STT3B: variants seen among roughly 807,000 people sequenced by gnomAD.
The protein encoded by STT3B is STT3 oligosaccharyltransferase complex catalytic subunit B, also known as dolichyl-diphosphooligosaccharide--protein glycosyltransferase subunit STT3B.
A neutral mutation model predicts 96.8 loss-of-function variants in STT3B; 29 were observed. That is an observed-to-expected ratio of 0.30 (90% CI 0.22 to 0.41). STT3B has a LOEUF of 0.41. STT3B is among the 10% of genes least tolerant of loss of function. The pLI is 1.00. For missense variants in STT3B, 640 were observed against 1,022.3 expected (o/e 0.63, Z 5.10); for synonymous variants, 367 against 360.0 (o/e 1.02, Z -0.22).
intron 5 of STT3B, among the ~76,000 whole-genome samples, chr3:31,604,780 A>G (rs913991992): frequency 6.6e-6 from 1 of 152,206 alleles, no homozygotes; most frequent in Non-Finnish European, 1.5e-5. Flanking sequence ...ATAGTACAGA[A>G]GCAGACTTAG....
chr3:31,613,099 TTTTGGGG>T (rs1221540985), intron 5 of STT3B, among the ~76,000 whole-genome samples: 1 of 152,046 alleles, frequency 6.6e-6, no homozygotes, highest in African/African-American at 2.4e-5. Flanking sequence ...TAGGGTTTTG[TTTTGGGG>T]TAATGAAAAT....
At chr3:31,560,310 A>G (rs1322201394) in intron 1 of STT3B, among the ~76,000 whole-genome samples, 3 of 151,854 alleles carry the variant, frequency 2.0e-5, no homozygotes, top group South Asian at 2.1e-4. Flanking sequence ...AGTAGTGGTA[A>G]CATTTGAGTC....
At chr3:31,537,267 T>G (rs1476741037) in intron 1 of STT3B, among the ~76,000 whole-genome samples, 1 of 152,234 alleles carries the variant, frequency 6.6e-6, no homozygotes, top group East Asian at 1.9e-4. Flanking sequence ...TCCTGTACTT[T>G]GAGGTCTCCA....
intron 9 of STT3B, among the ~76,000 whole-genome samples, chr3:31,621,040 C>T (rs1162505139): frequency 6.6e-6 from 1 of 152,150 alleles, no homozygotes; most frequent in African/African-American, 2.4e-5. Context: ...TACCAGAAGA[C>T]ATGTTTAAGA....
intron 3 of STT3B, among the ~76,000 whole-genome samples, chr3:31,592,105 A>C (rs557420135): frequency 6.6e-6 from 1 of 152,274 alleles, no homozygotes; most frequent in Non-Finnish European, 1.5e-5. Context: ...TATACCCATT[A>C]AACAATATCT....
At chr3:31,570,216 G>C (rs1361582736) in intron 1 of STT3B, among the ~76,000 whole-genome samples, 10 of 152,180 alleles carry the variant, frequency 6.6e-5, no homozygotes, top group Non-Finnish European at 1.5e-4. Flanking sequence ...AGTAAGTGTT[G>C]ATACTAGTAT....
Position 31,619,613 on chromosome 3 carries a change from C to T in STT3B, c.1173-63C>T, listed in dbSNP as rs1249503186. Reference sequence around the variant, plus strand: ...TTTCTACAACCAAACAAGATTTCTTCATCTAAAAGGAACTCCTGTTTTATC... The same window carrying T: ...TTTCTACAACCAAACAAGATTTCTTTATCTAAAAGGAACTCCTGTTTTATC... On this transcript the variant is annotated intron_variant, in intron 8 of 15. Transcript: ENST00000295770. 7.3e-6 allele frequency: 10 copies of T among 1,378,910 alleles called. No homozygotes were observed. In the South Asian group the frequency reaches 1.0e-4, roughly 14 times the overall value. The allele number at this position is 1,378,910 out of a possible 1,614,324, so 85.4% of individuals were successfully genotyped here.
At chr3:31,601,929 A>G (rs1303347084) in intron 5 of STT3B, among the ~76,000 whole-genome samples, 1 of 152,324 alleles carries the variant, frequency 6.6e-6, no homozygotes, top group East Asian at 1.9e-4. Context: ...TGTAGCTAAT[A>G]ACGGGGCTGA....
rs920855756 is a variant in STT3B, at chr3:31,594,221, A to G, written c.712-2577A>G. Among the ~76,000 whole-genome samples, 57 of 152,030 alleles carry G rather than the reference A, an allele frequency of 3.7e-4. 1 individual carries two copies. Among genetic ancestry groups the G allele is most frequent in the Admixed American group, 3.7e-3 (57 of 15,264 alleles). On this transcript the variant is annotated intron_variant, in intron 3 of 15. Transcript: ENST00000295770. ...TCAAAATATTTGGCGATTTCTCCCC[A>G]CTGCCAAGCAGTTAATTCTGCTGCG... is the stretch of plus-strand genomic sequence containing the variant.
intron 5 of STT3B, among the ~76,000 whole-genome samples, chr3:31,611,356 A>G (rs1020948725): frequency 2.0e-5 from 3 of 152,000 alleles, no homozygotes; most frequent in Admixed American, 1.3e-4. Context: ...TCTTAATGGG[A>G]TTTTCTGTTT....
chr3:31,561,815 T>G (rs78922165), intron 1 of STT3B, among the ~76,000 whole-genome samples: 1 of 152,188 alleles, frequency 6.6e-6, no homozygotes, highest in Non-Finnish European at 1.5e-5. Context: ...GATATATGTA[T>G]GGTGTTGGTT....
At chr3:31,545,927 G>T (rs908565082) in intron 1 of STT3B, among the ~76,000 whole-genome samples, 4 of 151,408 alleles carry the variant, frequency 2.6e-5, no homozygotes, top group African/African-American at 9.7e-5. Flanking sequence ...GGACACCCCT[G>T]CTGTGAAAAC....
Position 31,533,157 on chromosome 3 carries a change from G to A in STT3B, c.159G>A (p.Pro53=), listed in dbSNP as rs1696984865. ...KAAGGAAPPK[P]APAGLSGGLS... ...CGGGCGGCGCGGCGCCGCCGAAGCC[G>A]GCCCCGGCGGGGCTGTCCGGGGGGC... Residue 53 remains proline (P), a synonymous_variant, in exon 1 of 16, where the codon CCG becomes CCA. Transcript: ENST00000295770. 1 of 1,297,710 alleles carries A rather than the reference G, an allele frequency of 7.7e-7. No individual in the cohort carries two copies. Among genetic ancestry groups the A allele is most frequent in the Non-Finnish European group, 9.8e-7 (1 of 1,022,344 alleles). 80.4% of individuals were successfully genotyped at this position (1,297,710 alleles called of 1,614,324 possible). A position where few individuals can be genotyped will look rare whatever the true frequency, so the allele number is the denominator to read the frequency against.
At position 31,612,357 on chromosome 3, in the gene STT3B, C is replaced by T. The variant is rs187377360; in HGVS notation, c.878-2748C>T. Among the ~76,000 whole-genome samples the T allele has an allele frequency of 3.4e-4, 52 of 152,186 alleles. 2 individuals are homozygous for T. The highest frequency in any genetic ancestry group is 3.1e-3 in the Admixed American group (48 of 15,278). On this transcript the variant is annotated intron_variant, in intron 5 of 15. Transcript: ENST00000295770. ...GGTCCAGTTCTCTTAAAAGTAAATG[C>T]TTATGTTTGGATTGTTGTAGATACC...
chr3:31,565,998 G>A (rs778002246), intron 1 of STT3B, among the ~76,000 whole-genome samples: 11 of 152,132 alleles, frequency 7.2e-5, no homozygotes, highest in Non-Finnish European at 1.3e-4. Flanking sequence ...AGATACGCAT[G>A]CCATTGTTTT....
intron 11 of STT3B, 125 bp downstream of exon 11, chr3:31,623,986 T>A (rs1270449823): frequency 1.2e-6 from 1 of 839,414 alleles, no homozygotes; most frequent in Non-Finnish European, 1.8e-6. Context: ...TTTAATTTTT[T>A]ATTTTAATTT....
At chr3:31,625,125 C>T in intron 12 of STT3B, 40 bp downstream of exon 12, 1 of 1,562,290 alleles carries the variant, frequency 6.4e-7, no homozygotes, top group Non-Finnish European at 8.7e-7. Context: ...AATCTTTATT[C>T]ACTCCTTAGC....
At chr3:31,540,504 C>T (rs1027158065) in intron 1 of STT3B, among the ~76,000 whole-genome samples, 6 of 151,920 alleles carry the variant, frequency 3.9e-5, no homozygotes. Context: ...ATTAGCTGTT[C>T]TCAAGTAAAG....
chr3:31,541,108 A>C (rs1283997087), intron 1 of STT3B, among the ~76,000 whole-genome samples: 1 of 152,262 alleles, frequency 6.6e-6, no homozygotes, highest in Non-Finnish European at 1.5e-5. Flanking sequence ...ATGTTTCTAT[A>C]AACAAGAGCA....
Sources: gnomAD v4.1 joint callset for allele counts (sites outside exome capture counted in the v4.1 genomes callset) on GRCh38, gnomAD v4.1.1 for gene constraint, MANE v1.5 for transcripts, NCBI Gene and HGNC (gene_info 2026-07-23, HGNC 2026-07-21) for gene names.